The following PPEF1 variants were observed in gnomAD, a reference collection of about 807,000 sequenced individuals.
PPEF1 encodes serine/threonine-protein phosphatase with EF-hands 1.
In PPEF1, 12 loss-of-function variants were observed where a neutral mutation model predicts 53.3. That is an observed-to-expected ratio of 0.23 (90% confidence interval 0.14 to 0.36). The LOEUF is 0.36. Among genes scored for constraint, PPEF1 ranks in the 10% least tolerant of loss-of-function variants. The pLI is 1.00. For missense variants in PPEF1, 334 were observed against 490.4 expected (o/e 0.68, Z 3.01); for synonymous variants, 165 against 176.7 (o/e 0.93, Z 0.52).
At chrX:18,743,173 G>A (rs2045224829) in intron 3 of PPEF1, among the ~76,000 whole-genome samples, 1 of 112,066 alleles carries the variant, frequency 8.9e-6, no homozygotes, top group East Asian at 2.8e-4. Flanking sequence ...TCATAAAAAT[G>A]TACCACAAGC....
intron 4 of PPEF1, among the ~76,000 whole-genome samples, chrX:18,756,377 A>G (rs1442043935): frequency 9.0e-6 from 1 of 110,582 alleles, no homozygotes; most frequent in African/African-American, 3.3e-5. Context: ...ATGGGGTTTC[A>G]CCATGTTAGC....
intron 4 of PPEF1, among the ~76,000 whole-genome samples, chrX:18,694,049 C>T (rs753580896): frequency 1.8e-5 from 2 of 111,499 alleles, no homozygotes; most frequent in East Asian, 5.7e-4. Context: ...TTTGAGAATG[C>T]GATATAACTG....
At chrX:18,779,229 G>C (rs1210271065) in intron 7 of PPEF1, 53 bp downstream of exon 7, 2 of 1,063,655 alleles carry the variant, frequency 1.9e-6, no homozygotes, top group Non-Finnish European at 2.6e-6. Context: ...TCTGGAAAAT[G>C]CTGCCATATT....
chrX:18,817,427 C>T lies in PPEF1; in HGVS notation c.1395-612C>T, dbSNP rs1397415674. ...TGCAATCTCAGCTCACTGCAACCTC[C>T]GCCTCCTGGGTTCAAGCAATTCTCC... On this transcript the variant is annotated intron_variant, in intron 12 of 15. Transcript: ENST00000470157. Among the ~76,000 whole-genome samples, 8 of 110,419 alleles carry T rather than the reference C, an allele frequency of 7.2e-5. No homozygotes were observed. In the East Asian group the frequency reaches 8.5e-4, roughly 12 times the overall value.
At chrX:18,700,982 C>A (rs1265117818) in intron 6 of PPEF1, among the ~76,000 whole-genome samples, 1 of 112,172 alleles carries the variant, frequency 8.9e-6, no homozygotes, top group African/African-American at 3.2e-5. Flanking sequence ...CATTTTTGTT[C>A]TTTAATGATT....
chrX:18,739,060 G>C (rs957598314), intron 3 of PPEF1, among the ~76,000 whole-genome samples: 7 of 111,854 alleles, frequency 6.3e-5, no homozygotes, highest in Non-Finnish European at 1.3e-4. Flanking sequence ...ACTTCTTTGC[G>C]ATGGGTTCGA....
intron 6 of PPEF1, among the ~76,000 whole-genome samples, chrX:18,767,845 G>T (rs979055768): frequency 2.7e-5 from 3 of 110,927 alleles, no homozygotes; most frequent in African/African-American, 9.8e-5. Context: ...GGGTTGGGGG[G>T]TGATGGATTT....
intron 3 of PPEF1, among the ~76,000 whole-genome samples, chrX:18,737,500 A>G (rs1276406450): frequency 9.0e-5 from 10 of 111,523 alleles, no homozygotes; most frequent in Non-Finnish European, 1.9e-4. Flanking sequence ...AGTTTGTTAT[A>G]ATTTCTGTTC....
At chrX:18,721,152 C>T (rs2044582026) in intron 1 of PPEF1, among the ~76,000 whole-genome samples, 2 of 111,547 alleles carry the variant, frequency 1.8e-5, no homozygotes, top group South Asian at 7.4e-4. Context: ...TCCATCTTCC[C>T]TCCATCTTTT....
At chrX:18,782,864 G>A (rs2046113554) in intron 8 of PPEF1, among the ~76,000 whole-genome samples, 1 of 109,784 alleles carries the variant, frequency 9.1e-6, no homozygotes, top group Non-Finnish European at 1.9e-5. Flanking sequence ...TGTAATCCCA[G>A]CACTTTGGGA....
rs2044593387 is a variant in PPEF1, at chrX:18,721,707, C to T, written c.47-8474C>T. Among the ~76,000 whole-genome samples the T allele has an allele frequency of 2.7e-5, 3 of 111,536 alleles. No individual in the cohort carries two copies. The South Asian group carries it at 1.1e-3, about 43-fold the overall frequency. ...ACAAAGTCAGAACTTATTTTTATTA[C>T]CCCATGTGGATGGGGTTGGTGGGTA... On this transcript the variant is annotated intron_variant, in intron 1 of 15. Transcript: ENST00000470157.
At chrX:18,826,417 CTTTTTTTTTTTTTTT>C (rs58697941) in intron 15 of PPEF1, among the ~76,000 whole-genome samples, 1 of 24,626 alleles carries the variant, frequency 4.1e-5, no homozygotes, top group African/African-American at 2.1e-4. Flanking sequence ...TCATTTTCTG[CTTTTTTTTTTTTTTT>C]TTTTTTTTTT....
intron 1 of PPEF1, among the ~76,000 whole-genome samples, chrX:18,728,188 G>A (rs1037508913): frequency 1.9e-5 from 2 of 105,315 alleles, no homozygotes; most frequent in Admixed American, 1.0e-4. Flanking sequence ...TCTCTCTCTC[G>A]CTCTCTCTCT....
chrX:18,676,965 CT>C (rs1400323166), intron 1 of PPEF1, among the ~76,000 whole-genome samples: 1 of 110,770 alleles, frequency 9.0e-6, no homozygotes, highest in Non-Finnish European at 1.9e-5. Flanking sequence ...ACTCTTGTTC[CT>C]TTTCTCCATT....
chrX:18,718,322 G>A (rs2044505435), intron 1 of PPEF1, among the ~76,000 whole-genome samples: 2 of 111,476 alleles, frequency 1.8e-5, no homozygotes, highest in South Asian at 7.4e-4. Context: ...TGTAATCCCA[G>A]CACTTTGGGA....
chrX:18,688,269 AG>A (rs1929184307), intron 3 of PPEF1, among the ~76,000 whole-genome samples: 2 of 112,066 alleles, frequency 1.8e-5, no homozygotes, highest in Admixed American at 1.9e-4. Context: ...GTTTTCACAT[AG>A]GCCACCAGGA....
At chrX:18,742,272 A>G in intron 3 of PPEF1, among the ~76,000 whole-genome samples, 1 of 112,204 alleles carries the variant, frequency 8.9e-6, no homozygotes, top group African/African-American at 3.2e-5. Flanking sequence ...GCTGCTATGT[A>G]CATTCTTGTA....
chrX:18,723,056 C>T (rs1214610876), intron 1 of PPEF1, among the ~76,000 whole-genome samples: 1 of 106,847 alleles, frequency 9.4e-6, no homozygotes, highest in African/African-American at 3.4e-5. Flanking sequence ...GTGATCTCGG[C>T]TCACGGCAAC....
intron 5 of PPEF1, among the ~76,000 whole-genome samples, chrX:18,699,338 T>C (rs1312872583): frequency 9.0e-6 from 1 of 111,546 alleles, no homozygotes; most frequent in African/African-American, 3.3e-5. Flanking sequence ...TGGCTCTCAA[T>C]TGCAGAAAGG....
Sources: gnomAD v4.1 joint callset for allele counts (sites outside exome capture counted in the v4.1 genomes callset) on GRCh38, gnomAD v4.1.1 for gene constraint, MANE v1.5 for transcripts, NCBI Gene and HGNC (gene_info 2026-07-23, HGNC 2026-07-21) for gene names.